The following APOL3 variants were observed in gnomAD, a reference collection of about 807,000 sequenced individuals.
The protein encoded by APOL3 is apolipoprotein L3.
A neutral mutation model predicts 11.6 loss-of-function variants in APOL3; 14 were observed. That is an observed-to-expected ratio of 1.21 (90% confidence interval 0.80 to 1.89). APOL3 has a LOEUF of 1.89. Ranked by LOEUF, APOL3 falls within the 40% of genes most tolerant of loss-of-function variation. The pLI is 0.00. For missense variants in APOL3, 483 were observed against 492.1 expected, an observed-to-expected ratio of 0.98 and a Z score of 0.17; for synonymous variants, 192 against 190.6, an observed-to-expected ratio of 1.01 and a Z score of -0.06.
Position 36,148,871 on chromosome 22 carries a change from C to T in APOL3, c.224-3272G>A, listed in dbSNP as rs564642558. On this transcript the variant is annotated intron_variant, in intron 1 of 2. Transcript: ENST00000349314. ...TGAGGAGAGGTCAGGACATAGATGC[C>T]CCCACAGACCCTTGGGTCGGGGGAC... Among the ~76,000 whole-genome samples the T allele has an allele frequency of 2.3e-4, 35 of 152,298 alleles. No homozygotes were observed. In the South Asian group the frequency reaches 7.3e-3, roughly 32 times the overall value.
chr22:36,158,766 C>T (rs1603475857), intron 1 of APOL3, among the ~76,000 whole-genome samples: 1 of 151,950 alleles, frequency 6.6e-6, no homozygotes, highest in South Asian at 2.1e-4. Context: ...TGCAGTGAGC[C>T]GATGGTGCTA....
intron 2 of APOL3, 66 bp downstream of exon 3, chr22:36,145,407 C>A: frequency 6.4e-7 from 1 of 1,560,502 alleles, no homozygotes; most frequent in Non-Finnish European, 8.7e-7. Context: ...CCAGAGAAAA[C>A]TAGCCCAGGG....
chr22:36,144,007 C>T (rs1286328926), intron 2 of APOL3, among the ~76,000 whole-genome samples: 3 of 152,156 alleles, frequency 2.0e-5, no homozygotes, highest in Non-Finnish European at 4.4e-5. Context: ...ACTCTCCAAG[C>T]TGGCCCGAAG....
chr22:36,161,830 T>G (rs948276945), upstream of APOL3, among the ~76,000 whole-genome samples: 4 of 147,368 alleles, frequency 2.7e-5, no homozygotes, highest in African/African-American at 9.9e-5. Flanking sequence ...TCTGAGTTTA[T>G]TAGGTAAAAG....
intron 1 of APOL3, among the ~76,000 whole-genome samples, chr22:36,157,163 C>A (rs559412045): frequency 2.0e-5 from 3 of 152,146 alleles, no homozygotes; most frequent in Non-Finnish European, 2.9e-5. Flanking sequence ...TAAAAACACG[C>A]GAGCCAGCTA....
At chr22:36,148,304 G>C (rs922634560) in intron 1 of APOL3, among the ~76,000 whole-genome samples, 3 of 152,182 alleles carry the variant, frequency 2.0e-5, no homozygotes, top group African/African-American at 7.2e-5. Flanking sequence ...CAGGCGCCCT[G>C]GGGGACAAAA....
At position 36,147,873 on chromosome 22, in the gene APOL3, C is replaced by A. The variant is rs114113012; in HGVS notation, c.224-2274G>T. Among the ~76,000 whole-genome samples, 463 of 152,264 alleles carry A rather than the reference C, an allele frequency of 3.0e-3. 3 individuals are homozygous for A. The highest frequency in any genetic ancestry group is 0.011 in the African/African-American group (443 of 41,536). Reference sequence around the variant, plus strand: ...AAAGGCTGTAACCCCCCTTAAACTGCCAACTATGGGGAACTTAACTGGAGT... The same window carrying A: ...AAAGGCTGTAACCCCCCTTAAACTGACAACTATGGGGAACTTAACTGGAGT... On this transcript the variant is annotated intron_variant, in intron 1 of 2. Transcript: ENST00000349314.
At chr22:36,144,572 C>G (rs951012315) in intron 2 of APOL3, among the ~76,000 whole-genome samples, 2 of 152,152 alleles carry the variant, frequency 1.3e-5, no homozygotes, top group African/African-American at 2.4e-5. Flanking sequence ...TGTTCTGTGT[C>G]AGCAGGAGGA....
chr22:36,141,085 T>G, exon 3 of APOL3: 1 of 1,473,122 alleles, frequency 6.8e-7, no homozygotes, highest in East Asian at 2.3e-5. Flanking sequence ...CCAAAGTCAC[T>G]AACACTCAGC....
rs132623 is a variant in APOL3, at chr22:36,144,569, T to A, written c.350+904A>T. Among the ~76,000 whole-genome samples the A allele has an allele frequency of 3.3e-5, 5 of 151,874 alleles. No individual in the cohort carries two copies. In the East Asian group the frequency reaches 7.7e-4, roughly 24 times the overall value. ...TCCATTCCAGCCTCTCTGTGTTCTG[T>A]GTCAGCAGGAGGATCCTGCTGTGTT... is the stretch of plus-strand genomic sequence containing the variant. On this transcript the variant is annotated intron_variant, in intron 2 of 2. Coordinates refer to ENST00000349314, the Ensembl canonical transcript of APOL3.
upstream of APOL3, among the ~76,000 whole-genome samples, chr22:36,162,654 G>C (rs2013761878): frequency 6.6e-6 from 1 of 152,124 alleles, no homozygotes; most frequent in African/African-American, 2.4e-5. Flanking sequence ...GTCTAACTGT[G>C]CTTCAATACA....
chr22:36,152,322 T>C (rs1165089726), intron 1 of APOL3, among the ~76,000 whole-genome samples: 1 of 152,222 alleles, frequency 6.6e-6, no homozygotes, highest in African/African-American at 2.4e-5. Context: ...TGCAACCATA[T>C]TGTACAACTC....
intron 1 of APOL3, among the ~76,000 whole-genome samples, chr22:36,159,861 C>A: frequency 6.6e-6 from 1 of 151,772 alleles, no homozygotes; most frequent in East Asian, 1.9e-4. Context: ...TCCTTGTTAT[C>A]TCTTTTCGCT....
intron 1 of APOL3, among the ~76,000 whole-genome samples, chr22:36,158,549 G>A (rs1393558412): frequency 6.6e-6 from 1 of 152,178 alleles, no homozygotes; most frequent in Admixed American, 6.5e-5. Context: ...GCCTGGCACG[G>A]TGGCTCATGC....
chr22:36,160,000 G>C (rs1439520929), intron 1 of APOL3, among the ~76,000 whole-genome samples: 2 of 151,986 alleles, frequency 1.3e-5, no homozygotes, highest in African/African-American at 4.8e-5. Context: ...TCATGCCTCA[G>C]CCTCCCAAGT....
chr22:36,149,774 C>T (rs192582241), intron 1 of APOL3: 1 of 453,120 alleles, frequency 2.2e-6, no homozygotes, highest in Non-Finnish European at 4.4e-6. Flanking sequence ...TGCATACATG[C>T]TTATTGTAAA....
intron 1 of APOL3, among the ~76,000 whole-genome samples, chr22:36,150,731 A>G (rs1470283497): frequency 6.6e-6 from 1 of 152,138 alleles, no homozygotes; most frequent in Non-Finnish European, 1.5e-5. Flanking sequence ...ACACACACAC[A>G]CAAATTAGCT....
chr22:36,150,003 A>G (rs954349328), intron 1 of APOL3: 1 of 433,250 alleles, frequency 2.3e-6, no homozygotes. Flanking sequence ...AGAAATGTGG[A>G]TCTTGCTTTG....
chr22:36,146,908 C>G (rs911082794), intron 1 of APOL3, among the ~76,000 whole-genome samples: 1 of 152,072 alleles, frequency 6.6e-6, no homozygotes, highest in Non-Finnish European at 1.5e-5. Flanking sequence ...GACTGGGAAG[C>G]AGTATGGATT....
Sources: gnomAD v4.1 joint callset for allele counts (sites outside exome capture counted in the v4.1 genomes callset) on GRCh38, gnomAD v4.1.1 for gene constraint, MANE v1.5 for transcripts, NCBI Gene and HGNC (gene_info 2026-07-23, HGNC 2026-07-21) for gene names.